EPS15: variants seen among roughly 807,000 people sequenced by gnomAD.
The protein encoded by EPS15 is epidermal growth factor receptor pathway substrate 15.
A neutral mutation model predicts 113.8 loss-of-function variants in EPS15; 72 were observed. The ratio of observed to expected loss-of-function variants is 0.63; its 90% confidence interval spans 0.52 to 0.77. EPS15 has a LOEUF of 0.77. Ranked by LOEUF, EPS15 falls within the 30% of genes least tolerant of loss-of-function variation. The probability of loss-of-function intolerance (pLI) is 0.00; values close to 1 mark genes in which losing one functional copy is unlikely to be tolerated. For synonymous variants in EPS15, 344 were observed against 363.4 expected, an observed-to-expected ratio of 0.95 and a Z score of 0.61; for missense variants, 1,048 against 1,045.8, an observed-to-expected ratio of 1.00 and a Z score of -0.03.
chr1:51,369,447 G>A (rs1260781743), intron 21 of EPS15, among the ~76,000 whole-genome samples: 1 of 152,198 alleles, frequency 6.6e-6, no homozygotes, highest in Non-Finnish European at 1.5e-5. Flanking sequence ...CAGGGGCTAT[G>A]AGCCAGCAGA....
chr1:51,502,714 T>G (rs1452180550), intron 1 of EPS15, among the ~76,000 whole-genome samples: 1 of 152,108 alleles, frequency 6.6e-6, no homozygotes, highest in African/African-American at 2.4e-5. Flanking sequence ...AATTAAGAAA[T>G]CAATTCCAGG....
intron 1 of EPS15, among the ~76,000 whole-genome samples, chr1:51,505,430 G>A (rs1228366702): frequency 1.3e-5 from 2 of 152,180 alleles, no homozygotes; most frequent in East Asian, 3.8e-4. Flanking sequence ...AAGAGTATAT[G>A]TATTATATTA....
At chr1:51,504,287 G>C (rs546612365) in intron 1 of EPS15, among the ~76,000 whole-genome samples, 134 of 152,204 alleles carry the variant, frequency 8.8e-4, no homozygotes, top group South Asian at 3.7e-3. Flanking sequence ...GCGTGCACTT[G>C]TAGTCCCAGC....
chr1:51,401,547 T>C lies in EPS15; in HGVS notation c.1883-594A>G, dbSNP rs183103442. Reference sequence around the variant, plus strand: ...CTTAGACAAAGACAGCATTAAATCTTTGCGACTTAGGTAATAGTTTCTTAG... The same window carrying C: ...CTTAGACAAAGACAGCATTAAATCTCTGCGACTTAGGTAATAGTTTCTTAG... On this transcript the variant is annotated intron_variant, in intron 18 of 24. Transcript: ENST00000371733. Among the ~76,000 whole-genome samples, 263 of 152,354 alleles carry C rather than the reference T, an allele frequency of 1.7e-3. 1 individual carries two copies. Among genetic ancestry groups the C allele is most frequent in the African/African-American group, 5.9e-3 (245 of 41,576 alleles).
intron 8 of EPS15, among the ~76,000 whole-genome samples, chr1:51,452,759 T>C (rs989910885): frequency 3.3e-5 from 5 of 152,224 alleles, no homozygotes; most frequent in African/African-American, 9.7e-5. Context: ...GCAGCACATA[T>C]GTAATCTTAC....
intron 12 of EPS15, among the ~76,000 whole-genome samples, chr1:51,430,427 G>A (rs1261492181): frequency 6.6e-6 from 1 of 151,802 alleles, no homozygotes; most frequent in Non-Finnish European, 1.5e-5. Context: ...AAATTAGCCG[G>A]GTGCGGTGGT....
intron 21 of EPS15, among the ~76,000 whole-genome samples, chr1:51,378,259 G>C (rs12128209): frequency 1.3e-5 from 2 of 151,432 alleles, no homozygotes; most frequent in African/African-American, 4.9e-5. Context: ...GCATTTTTTA[G>C]ACATGTTACT....
chr1:51,440,526 G>T, intron 11 of EPS15, 94 bp from the exon 12 acceptor site: 1 of 472,734 alleles, frequency 2.1e-6, no homozygotes, highest in South Asian at 4.7e-5. Flanking sequence ...CAGATATAAG[G>T]TATTGCATAT....
intron 3 of EPS15, 124 bp from the exon 4 acceptor site, chr1:51,471,861 T>G: frequency 1.3e-6 from 1 of 776,458 alleles, no homozygotes; most frequent in Admixed American, 2.4e-5. Flanking sequence ...ATCATAGAAT[T>G]AAGAGTGGAA....
intron 11 of EPS15, 126 bp downstream of exon 11, chr1:51,444,763 A>T: frequency 2.2e-6 from 2 of 894,544 alleles, no homozygotes; most frequent in East Asian, 2.5e-5. Context: ...AACCACAAAC[A>T]GTATACTGTT....
chr1:51,421,294 C>T (rs1433264672), intron 13 of EPS15, among the ~76,000 whole-genome samples: 2 of 152,080 alleles, frequency 1.3e-5, no homozygotes, highest in African/African-American at 4.8e-5. Context: ...TCATAAAATG[C>T]TACTTTAAAT....
intron 23 of EPS15, among the ~76,000 whole-genome samples, chr1:51,362,826 G>T (rs6664884): frequency 0.03 from 4,573 of 152,194 alleles, 72 homozygotes; most frequent in African/African-American, 0.05. Flanking sequence ...ATACTAAGAT[G>T]TGTCTTCTCA....
In EPS15 at chr1:51,406,125, G is replaced by T; in HGVS notation, c.1474-17C>A. On this transcript the variant is annotated splice_polypyrimidine_tract_variant and intron_variant, in intron 15 of 24. Transcript: ENST00000371733. ...CATTTGCATCTGCCAACACAAAGAA[G>T]AAATATAGAACAGAATTTATTACTA... 6.2e-7 allele frequency: 1 copy of T among 1,604,650 alleles called. No individual in the cohort carries two copies. The highest frequency in any genetic ancestry group is 8.5e-7 in the Non-Finnish European group (1 of 1,173,612).
At chr1:51,472,832 A>T in intron 3 of EPS15, 27 bp downstream of exon 3, 1 of 1,513,104 alleles carries the variant, frequency 6.6e-7, no homozygotes, top group Non-Finnish European at 9.2e-7. Flanking sequence ...ACAAACTTAT[A>T]ATCTAGTTAT....
At chr1:51,488,973 G>A (rs1184044016) in intron 1 of EPS15, among the ~76,000 whole-genome samples, 1 of 151,974 alleles carries the variant, frequency 6.6e-6, no homozygotes, top group Non-Finnish European at 1.5e-5. Flanking sequence ...AGCTATCTTG[G>A]ATTGCGACGG....
intron 1 of EPS15, among the ~76,000 whole-genome samples, chr1:51,517,547 AT>A (rs1250240581): frequency 6.6e-6 from 1 of 152,234 alleles, no homozygotes; most frequent in Non-Finnish European, 1.5e-5. Context: ...TCCTGCCAGA[AT>A]TGGCCAACAG....
chr1:51,405,422 C>T (rs1649004252), intron 16 of EPS15, among the ~76,000 whole-genome samples: 2 of 152,080 alleles, frequency 1.3e-5, no homozygotes, highest in African/African-American at 2.4e-5. Context: ...GCTGGCTGGG[C>T]GTGGTGGCTC....
chr1:51,434,541 G>A (rs1355131297), intron 12 of EPS15, among the ~76,000 whole-genome samples: 1 of 152,214 alleles, frequency 6.6e-6, no homozygotes, highest in African/African-American at 2.4e-5. Flanking sequence ...GCTGCTATGA[G>A]GAAGGGCGGG....
At chr1:51,509,597 C>G (rs1228422785) in intron 1 of EPS15, among the ~76,000 whole-genome samples, 2 of 152,072 alleles carry the variant, frequency 1.3e-5, no homozygotes, top group Non-Finnish European at 2.9e-5. Flanking sequence ...GTAGAAACTC[C>G]AAGTCCAAAT....
Sources: gnomAD v4.1 joint callset for allele counts (sites outside exome capture counted in the v4.1 genomes callset) on GRCh38, gnomAD v4.1.1 for gene constraint, MANE v1.5 for transcripts, NCBI Gene and HGNC (gene_info 2026-07-23, HGNC 2026-07-21) for gene names.